LRP1B: variants seen among roughly 807,000 people sequenced by gnomAD.
The protein encoded by LRP1B is low-density lipoprotein receptor-related protein 1B.
LRP1B carries 217 observed loss-of-function variants against 556.6 expected under a neutral mutation model. The ratio of observed to expected loss-of-function variants is 0.39; its 90% confidence interval spans 0.35 to 0.44. The LOEUF (loss-of-function observed/expected upper bound fraction) is 0.44, where lower values mean the gene tolerates loss of function less well. LRP1B is among the 20% of genes least tolerant of loss of function. The pLI, the probability that LRP1B is intolerant of heterozygous loss-of-function variation, is 1.00. For synonymous variants in LRP1B, 2,047 were observed against 1,865.8 expected (o/e 1.10, Z -2.50); for missense variants, 5,053 against 5,620.8 (o/e 0.90, Z 3.23).
chr2:141,448,855 T>A (rs1162290713), intron 3 of LRP1B, among the ~76,000 whole-genome samples: 1 of 152,192 alleles, frequency 6.6e-6, no homozygotes, highest in South Asian at 2.1e-4. Context: ...CATCTTGCCA[T>A]CCACCCAATC....
At chr2:140,919,017 T>A (rs1694662120) in intron 21 of LRP1B, among the ~76,000 whole-genome samples, 1 of 152,002 alleles carries the variant, frequency 6.6e-6, no homozygotes, top group Non-Finnish European at 1.5e-5. Flanking sequence ...GGGAGTAATA[T>A]TTTTTCTTTT....
At chr2:140,771,282 C>A (rs1050135263) in intron 33 of LRP1B, among the ~76,000 whole-genome samples, 3 of 151,976 alleles carry the variant, frequency 2.0e-5, no homozygotes, top group Non-Finnish European at 4.4e-5. Context: ...TTTTCATAGA[C>A]CTTTGTAATA....
chr2:140,994,657 G>A (rs934110922), intron 15 of LRP1B, among the ~76,000 whole-genome samples: 1 of 148,744 alleles, frequency 6.7e-6, no homozygotes. Flanking sequence ...AAGAGATGAT[G>A]GATATATTAA....
chr2:141,300,942 T>C (rs962359586), intron 3 of LRP1B, among the ~76,000 whole-genome samples: 2 of 152,116 alleles, frequency 1.3e-5, no homozygotes, highest in Admixed American at 6.6e-5. Flanking sequence ...AAGAATATTC[T>C]ACTGGGAGGA....
chr2:142,087,214 T>C (rs983089328), intron 1 of LRP1B, among the ~76,000 whole-genome samples: 2 of 152,172 alleles, frequency 1.3e-5, no homozygotes, highest in Non-Finnish European at 2.9e-5. Context: ...TCCCAGACAC[T>C]GTCTTCTCAT....
At chr2:141,155,471 TTTC>T (rs1435943529) in intron 7 of LRP1B, among the ~76,000 whole-genome samples, 1 of 115,496 alleles carries the variant, frequency 8.7e-6, no homozygotes, top group Non-Finnish European at 2.3e-5. Flanking sequence ...ATTTTATTTT[TTTC>T]TTTTTATTAT....
intron 1 of LRP1B, among the ~76,000 whole-genome samples, chr2:142,080,290 T>C (rs1705663263): frequency 6.6e-6 from 1 of 152,186 alleles, no homozygotes; most frequent in Non-Finnish European, 1.5e-5. Flanking sequence ...GAATAGCCTC[T>C]TCTGAGTGTG....
intron 21 of LRP1B, among the ~76,000 whole-genome samples, chr2:140,917,341 C>T (rs1694609751): frequency 6.6e-6 from 1 of 152,090 alleles, no homozygotes; most frequent in African/African-American, 2.4e-5. Context: ...TAAATGGACT[C>T]CCTGGTCTTT....
intron 24 of LRP1B, 25 bp from the exon 25 acceptor site, chr2:140,884,046 G>T: frequency 6.2e-7 from 1 of 1,602,150 alleles, no homozygotes; most frequent in Non-Finnish European, 8.5e-7. Flanking sequence ...AAACCAACAT[G>T]TGCACCCATT....
chr2:141,816,878 TA>T, intron 1 of LRP1B, among the ~76,000 whole-genome samples: 1 of 152,292 alleles, frequency 6.6e-6, no homozygotes, highest in East Asian at 1.9e-4. Flanking sequence ...TTTCAACCTT[TA>T]AAGACAATTT....
chr2:141,292,898 A>G (rs375525843), intron 3 of LRP1B, among the ~76,000 whole-genome samples: 5 of 152,218 alleles, frequency 3.3e-5, no homozygotes, highest in African/African-American at 1.2e-4. Context: ...TAATGCATGA[A>G]CTTTAGTTAA....
At chr2:142,065,823 CTCA>C (rs1705089274) in intron 1 of LRP1B, among the ~76,000 whole-genome samples, 1 of 151,474 alleles carries the variant, frequency 6.6e-6, no homozygotes, top group East Asian at 2.0e-4. Flanking sequence ...TTATTTAAAT[CTCA>C]TCAACTCAAA....
At chr2:141,624,036 C>CAAA in intron 2 of LRP1B, among the ~76,000 whole-genome samples, 4 of 90,754 alleles carry the variant, frequency 4.4e-5, no homozygotes, top group Non-Finnish European at 6.3e-5. Flanking sequence ...AAAAATTAAA[C>CAAA]AAAAAAAAAA....
chr2:141,583,779 C>T (rs1351697172), intron 2 of LRP1B, among the ~76,000 whole-genome samples: 5 of 151,926 alleles, frequency 3.3e-5, no homozygotes, highest in Non-Finnish European at 5.9e-5. Context: ...CTTGCTCCGT[C>T]GCCAGGCTGG....
chr2:140,700,796 C>T (rs1218232125), intron 40 of LRP1B, among the ~76,000 whole-genome samples, 175 bp from the exon 41 acceptor site: 1 of 152,092 alleles, frequency 6.6e-6, no homozygotes, highest in African/African-American at 2.4e-5. Context: ...AAAATCACAG[C>T]AGTTTAAATC....
chr2:141,508,941 T>C (rs866807008), intron 2 of LRP1B, among the ~76,000 whole-genome samples: 1 of 152,132 alleles, frequency 6.6e-6, no homozygotes, highest in Non-Finnish European at 1.5e-5. Flanking sequence ...TGGAATCAAC[T>C]TCCCCCTGAG....
At chr2:140,916,280 T>C (rs1694577261) in intron 21 of LRP1B, among the ~76,000 whole-genome samples, 1 of 152,204 alleles carries the variant, frequency 6.6e-6, no homozygotes. Context: ...TGTACCATTA[T>C]AGGATATTTT....
chr2:140,299,495 C>T lies in LRP1B; in HGVS notation c.12806-1526G>A, dbSNP rs146973627. Among the ~76,000 whole-genome samples the T allele has an allele frequency of 3.6e-3, 551 of 152,118 alleles. 5 individuals carry two copies. The highest frequency in any genetic ancestry group is 0.013 in the African/African-American group (524 of 41,534). The stretch of plus-strand genomic sequence containing the variant: ...TGAGAAACAAGGTAAATTTTATATA[C>T]GTTAAACGCTGAGTAATCTCATATT... On this transcript the variant is annotated intron_variant, in intron 83 of 90. Transcript: ENST00000389484.
At chr2:141,020,437 C>G (rs1055729270) in intron 11 of LRP1B, among the ~76,000 whole-genome samples, 4 of 151,772 alleles carry the variant, frequency 2.6e-5, no homozygotes, top group Non-Finnish European at 5.9e-5. Flanking sequence ...GTGATAGGAG[C>G]GAAAAAGCTT....
Sources: allele counts gnomAD v4.1 joint callset (sites outside exome capture counted in the v4.1 genomes callset), GRCh38; gene constraint gnomAD v4.1.1; transcripts MANE v1.5; gene names NCBI Gene and HGNC (gene_info 2026-07-23, HGNC 2026-07-21).